Variants in RPS26 observed in about 807,000 individuals in gnomAD.
RPS26 encodes the protein ribosomal protein S26.
In RPS26, 1 loss-of-function variant was observed where a neutral mutation model predicts 14.7. The ratio of observed to expected loss-of-function variants is 0.07; its 90% CI spans 0.02 to 0.32. The LOEUF (loss-of-function observed/expected upper bound fraction) is 0.32. Ranked by LOEUF, RPS26 falls within the 10% of genes least tolerant of loss-of-function variation. RPS26 has a pLI of 1.00. For missense variants in RPS26, 63 were observed against 157.7 expected, an observed-to-expected ratio of 0.40 and a Z score of 3.22; for synonymous variants, 59 against 53.1, an observed-to-expected ratio of 1.11 and a Z score of -0.48.
rs576590523 is a variant in RPS26 at position 56,044,050 on chromosome 12, A to G, written c.313-69A>G. The G allele has an allele frequency of 2.2e-5, 30 of 1,346,752 alleles. No individual in the cohort carries two copies. In the East Asian group the frequency reaches 5.3e-4, roughly 24 times the overall value. The allele number at this position is 1,346,752 out of a possible 1,614,324, so 83.4% of individuals were successfully genotyped here. A position where few individuals can be genotyped will look rare whatever the true frequency, so the allele number is the denominator to read the frequency against. ...TCAGTTTGTGAGAGGATGGTGGTCA[A>G]GTTCTTTGGGGGAAGGGAGTCTTGG... On this transcript the variant is annotated intron_variant, in intron 3 of 3. Transcript: ENST00000646449.
At position 56,043,364 on chromosome 12, in the gene RPS26, C is replaced by T. The variant is rs370175828; in HGVS notation, c.183C>T (p.Ala61=). Residue 61 remains alanine, a splice_region_variant and synonymous_variant, in exon 3 of 4, where the codon GCC becomes GCT. Transcript: ENST00000646449. The part of the protein sequence containing the change: ...RDISEASVFD[A]YVLPKLYVKL... ...ATAACTCTATTTTCTATTCCTTAGC[C>T]TATGTGCTTCCCAAGCTGTATGTGA... 4 of 1,611,398 alleles carry T rather than the reference C, an allele frequency of 2.5e-6. No homozygotes were observed. In the African/African-American group the frequency reaches 4.0e-5, roughly 16 times the overall value.
intron 3 of RPS26, 22 bp downstream of exon 3, chr12:56,043,515 T>C: frequency 6.2e-7 from 1 of 1,613,454 alleles, no homozygotes; most frequent in Non-Finnish European, 8.5e-7. Flanking sequence ...AAAAGGAGAA[T>C]GGAAGCCAGG....
chr12:56,043,000 TA>T, intron 2 of RPS26: 1 of 400,940 alleles, frequency 2.5e-6, no homozygotes, highest in Non-Finnish European at 4.6e-6. Flanking sequence ...TTTGGAGCAA[TA>T]AGAACGTCGC....
At chr12:56,043,572 C>A in intron 3 of RPS26, 79 bp downstream of exon 3, 2 of 1,430,078 alleles carry the variant, frequency 1.4e-6, no homozygotes, top group Non-Finnish European at 2.0e-6. Context: ...GTGTCCTATA[C>A]CTGTAACCTC....
At chr12:56,042,195 G>A (rs780584502) in intron 1 of RPS26, 26 bp downstream of exon 1, 2 of 1,613,792 alleles carry the variant, frequency 1.2e-6, no homozygotes, top group African/African-American at 1.3e-5. Context: ...TGGTGAGGGT[G>A]GGGGTTCGGG....
chr12:56,044,088 T>A, intron 3 of RPS26, 31 bp from the exon 4 acceptor site: 1 of 1,607,922 alleles, frequency 6.2e-7, no homozygotes, highest in Non-Finnish European at 8.5e-7. Flanking sequence ...CCATGGGTTT[T>A]AATTTACTCT....
In RPS26 at chr12:56,041,927, C is replaced by A. The variant is rs1895887898; in HGVS notation, c.-240C>A. 1.6e-6 allele frequency: 1 copy of A among 609,424 alleles called. No individual in the cohort carries two copies. Among genetic ancestry groups the A allele is most frequent in the East Asian group, 2.8e-5 (1 of 36,124 alleles). The allele number at this position is 609,424 out of a possible 1,614,324, so 37.8% of individuals were successfully genotyped here. A position where few individuals can be genotyped will look rare whatever the true frequency, so the allele number is the denominator to read the frequency against. ...GGAGACACATAACCTCGATTTTCTTCCGCCATCCGGCTAAATAGTCCCATG... is the reference window on the plus strand; with the variant it reads ...GGAGACACATAACCTCGATTTTCTTACGCCATCCGGCTAAATAGTCCCATG... On this transcript the variant is annotated 5_prime_UTR_variant, in exon 1 of 4. Transcript: ENST00000646449.
Position 56,042,612 on chromosome 12 carries a change from T to C in RPS26, c.181+10T>C, listed in dbSNP as rs201191387. ...GCGAGCGTCTTCGATGGTAAGTGGG[T>C]CACCGGCGCGAACTGTGTGAGGATC... is the stretch of plus-strand genomic sequence containing the variant. On this transcript the variant is annotated intron_variant, in intron 2 of 3. Coordinates refer to ENST00000646449, the MANE Select transcript of RPS26 (RefSeq NM_001029.5). 2 of 1,597,206 alleles carry C rather than the reference T, an allele frequency of 1.3e-6. No individual in the cohort carries two copies. The highest frequency in any genetic ancestry group is 2.7e-5 in the African/African-American group (2 of 74,892).
rs1308338288 is a variant in RPS26 at position 56,044,210 on chromosome 12, G to C, written c.*56G>C. 1.3e-5 allele frequency: 17 copies of C among 1,347,504 alleles called. No individual in the cohort carries two copies. The Admixed American group carries it at 2.9e-4, about 23-fold the overall frequency. 83.5% of individuals were successfully genotyped at this position (1,347,504 alleles called of 1,614,324 possible). On this transcript the variant is annotated 3_prime_UTR_variant, in exon 4 of 4. Transcript: ENST00000646449. ...CTATTCTCTGGAGAAAAATAAAATGGAAATTGTACTTAATATTGCATGTTA... is the reference window on the plus strand; with the variant it reads ...CTATTCTCTGGAGAAAAATAAAATGCAAATTGTACTTAATATTGCATGTTA...
chr12:56,043,634 AC>A, intron 3 of RPS26, 141 bp downstream of exon 3: 1 of 821,406 alleles, frequency 1.2e-6, no homozygotes. Flanking sequence ...GCAGTTCAAG[AC>A]CCCATCTCTT....
Position 56,042,129 on chromosome 12 carries a change from C to A in RPS26, c.-38C>A, listed in dbSNP as rs1390326757. ...TCTCATGCTATATAGGAGGGCCCTG[C>A]CAGGCACCGTCTCCTCTCTCCGGTC... On this transcript the variant is annotated 5_prime_UTR_variant, in exon 1 of 4. Coordinates refer to ENST00000646449, the MANE Select transcript of RPS26 (RefSeq NM_001029.5). 1 of 1,612,576 alleles carries A rather than the reference C, an allele frequency of 6.2e-7. No homozygotes were observed. Among genetic ancestry groups the A allele is most frequent in the African/African-American group, 1.3e-5 (1 of 75,018 alleles).
Position 56,042,133 on chromosome 12 carries a change from G to C in RPS26, c.-34G>C. On this transcript the variant is annotated 5_prime_UTR_variant, in exon 1 of 4. Transcript: ENST00000646449. The stretch of plus-strand genomic sequence containing the variant: ...ATGCTATATAGGAGGGCCCTGCCAG[G>C]CACCGTCTCCTCTCTCCGGTCCGTG... The C allele has an allele frequency of 2.5e-6, 4 of 1,613,468 alleles. No homozygotes were observed. The highest frequency in any genetic ancestry group is 3.4e-6 in the Non-Finnish European group (4 of 1,179,414).
intron 2 of RPS26, chr12:56,042,834 G>T (rs1382795042): frequency 6.8e-6 from 4 of 591,118 alleles, no homozygotes; most frequent in African/African-American, 5.6e-5. Context: ...AGGTTTGCCT[G>T]TTTCGGTTAT....
Position 56,044,112 on chromosome 12 carries a change from C to T in RPS26, c.313-7C>T, listed in dbSNP as rs559293824. ...TTAATTTACTCTTTTGTTTCTTTGT[C>T]TTTCAGGGTGCTGCCCCACGTCCCC... On this transcript the variant is annotated splice_polypyrimidine_tract_variant and splice_region_variant and intron_variant, in intron 3 of 3. Coordinates refer to ENST00000646449, the MANE Select transcript of RPS26 (RefSeq NM_001029.5). 1 of 1,613,248 alleles carries T rather than the reference C, an allele frequency of 6.2e-7. No individual in the cohort carries two copies. Among genetic ancestry groups the T allele is most frequent in the South Asian group, 1.1e-5 (1 of 91,070 alleles).
chr12:56,043,023 C>G (rs1425076301), intron 2 of RPS26: 3 of 391,282 alleles, frequency 7.7e-6, no homozygotes, highest in African/African-American at 6.2e-5. Context: ...TTGTTTTTTT[C>G]CTTTTATAGA....
rs59385427 is a variant in RPS26 at position 56,044,365 on chromosome 12, T to TTTTTTTTTTTG, written c.*211_*212insTTTTTTTTTTG. ...TTTTTCTTTTTTTTTTTTTTTTTTT[T>TTTTTTTTTTTG]GAGACGGAGTCTTTGTCGCCCAAGC... On this transcript the variant is annotated 3_prime_UTR_variant, in exon 4 of 4. Coordinates refer to ENST00000646449, the MANE Select transcript of RPS26 (RefSeq NM_001029.5). The TTTTTTTTTTTG allele has an allele frequency of 5.8e-6, 2 of 345,374 alleles. No individual in the cohort carries two copies. Among genetic ancestry groups the TTTTTTTTTTTG allele is most frequent in the African/African-American group, 5.5e-5 (2 of 36,386 alleles). 21.4% of individuals were successfully genotyped at this position (345,374 alleles called of 1,614,324 possible). A position where few individuals can be genotyped will look rare whatever the true frequency, so the allele number is the denominator to read the frequency against.
At position 56,042,130 on chromosome 12, in the gene RPS26, C is replaced by A; in HGVS notation, c.-37C>A. On this transcript the variant is annotated 5_prime_UTR_variant, in exon 1 of 4. Transcript: ENST00000646449. ...CTCATGCTATATAGGAGGGCCCTGC[C>A]AGGCACCGTCTCCTCTCTCCGGTCC... 7.4e-6 allele frequency: 12 copies of A among 1,612,894 alleles called. No homozygotes were observed. The highest frequency in any genetic ancestry group is 9.3e-6 in the Non-Finnish European group (11 of 1,178,892).
chr12:56,043,556 G>A (rs991145493), intron 3 of RPS26, 63 bp downstream of exon 3: 2 of 1,559,870 alleles, frequency 1.3e-6, no homozygotes, highest in Admixed American at 1.7e-5. Flanking sequence ...ATCCTGGAGG[G>A]TCAGGGTGTC....
chr12:56,044,345 CTTTTTTTTTT>C lies in RPS26; in HGVS notation c.*202_*211del, dbSNP rs1191650736. On this transcript the variant is annotated 3_prime_UTR_variant, in exon 4 of 4. Transcript: ENST00000646449. ...CTTATTCATGTAATTTAATTTTTTTCTTTTTTTTTTTTTTTTTTTTGAGACGGAGTCTTTG... is the reference window on the plus strand; with the variant it reads ...CTTATTCATGTAATTTAATTTTTTTCTTTTTTTTTTGAGACGGAGTCTTTG... 4.9e-5 allele frequency: 13 copies of C among 266,884 alleles called. 1 individual carries two copies. The highest frequency in any genetic ancestry group is 1.7e-4 in the Admixed American group (2 of 11,640). 16.5% of individuals were successfully genotyped at this position (266,884 alleles called of 1,614,324 possible). A position where few individuals can be genotyped will look rare whatever the true frequency, so the allele number is the denominator to read the frequency against.
Sources: allele counts gnomAD v4.1 joint callset, GRCh38; gene constraint gnomAD v4.1.1; transcripts MANE v1.5; gene names NCBI Gene and HGNC (gene_info 2026-07-23, HGNC 2026-07-21).